Variants in EYS observed in about 807,000 individuals in gnomAD.
EYS encodes the protein EGF-like photoreceptor maintenance factor, also known as protein eyes shut homolog.
In EYS, 250 loss-of-function variants were observed where a neutral mutation model predicts 282.1. The observed-to-expected ratio is 0.89, with a 90% CI of 0.80 to 0.98. The LOEUF (loss-of-function observed/expected upper bound fraction) is 0.98, where lower values mean the gene tolerates loss of function less well. Ranked by LOEUF, EYS falls within the 50% of genes least tolerant of loss-of-function variation. The pLI, the probability that EYS is intolerant of heterozygous loss-of-function variation, is 0.00. For missense variants in EYS, 4,016 were observed against 3,709.0 expected, an observed-to-expected ratio of 1.08 and a Z score of -2.15; for synonymous variants, 1,355 against 1,282.9, an observed-to-expected ratio of 1.06 and a Z score of -1.20.
intron 35 of EYS, among the ~76,000 whole-genome samples, chr6:63,933,859 C>G (rs1274350852): frequency 2.0e-5 from 3 of 152,116 alleles, no homozygotes; most frequent in Admixed American, 6.5e-5. Context: ...ATAATATCAT[C>G]CAGGTAAAGG....
At chr6:64,945,124 T>TA (rs763133866) in intron 15 of EYS, among the ~76,000 whole-genome samples, 3,340 of 112,226 alleles carry the variant, frequency 0.03, 119 homozygotes, top group Admixed American at 0.11. Context: ...GTTTCTCTAT[T>TA]AAAAAAAAAA....
In EYS at chr6:64,199,284, T is replaced by C. The variant is rs1765392439; in HGVS notation, c.6424+31308A>G. On this transcript the variant is annotated intron_variant, in intron 31 of 42. Transcript: ENST00000503581. ...GTGGCCTCAGAAATAATGCCACACATCTACAACAATTTGATTTTGACAAAC... is the reference window on the plus strand; with the variant it reads ...GTGGCCTCAGAAATAATGCCACACACCTACAACAATTTGATTTTGACAAAC... Among the ~76,000 whole-genome samples, 4 of 152,060 alleles carry C rather than the reference T, an allele frequency of 2.6e-5. No homozygotes were observed. The South Asian group carries it at 8.3e-4, about 31-fold the overall frequency.
At chr6:64,866,583 T>C (rs1246053961) in intron 19 of EYS, among the ~76,000 whole-genome samples, 2 of 151,838 alleles carry the variant, frequency 1.3e-5, no homozygotes, top group Non-Finnish European at 3.0e-5. Context: ...TAGTTAGATA[T>C]AATTTTTATG....
intron 22 of EYS, among the ~76,000 whole-genome samples, chr6:64,775,951 T>C (rs1378231810): frequency 6.6e-6 from 1 of 152,066 alleles, no homozygotes; most frequent in South Asian, 2.1e-4. Flanking sequence ...AACACATCTA[T>C]ATCAGGTTCT....
chr6:65,283,489 A>AT (rs1768278727), intron 12 of EYS, among the ~76,000 whole-genome samples: 1 of 151,572 alleles, frequency 6.6e-6, no homozygotes, highest in South Asian at 2.1e-4. Context: ...AACATCTTTT[A>AT]TTTTTTCTAT....
intron 12 of EYS, among the ~76,000 whole-genome samples, chr6:65,150,486 G>T (rs988206581): frequency 6.6e-6 from 1 of 151,740 alleles, no homozygotes; most frequent in African/African-American, 2.4e-5. Context: ...AGGTTATGTG[G>T]TTTTGTTATA....
At position 64,663,252 on chromosome 6, in the gene EYS, T is replaced by A. The variant is rs1378370403; in HGVS notation, c.3444-37007A>T. Among the ~76,000 whole-genome samples the A allele has an allele frequency of 7.2e-5, 11 of 152,204 alleles. No homozygotes were observed. In the East Asian group the frequency reaches 1.9e-3, roughly 27 times the overall value. ...AAAAAAGCCATATTCTGACGAAATA[T>A]ACCATTGGTAATAAGGGAAAATTGC... On this transcript the variant is annotated intron_variant, in intron 22 of 42. Transcript: ENST00000503581.
chr6:64,383,261 A>G (rs1026557664), intron 29 of EYS, among the ~76,000 whole-genome samples: 3 of 152,224 alleles, frequency 2.0e-5, no homozygotes, highest in African/African-American at 4.8e-5. Context: ...AGATTGCACC[A>G]GTGCACTTCA....
chr6:64,535,555 T>C (rs1205624201), intron 26 of EYS, among the ~76,000 whole-genome samples: 2 of 139,954 alleles, frequency 1.4e-5, no homozygotes, highest in Non-Finnish European at 3.0e-5. Flanking sequence ...TTGGGCAACA[T>C]AGTGAGACTT....
chr6:64,556,484 G>A (rs1421368266), intron 26 of EYS, among the ~76,000 whole-genome samples: 1 of 151,738 alleles, frequency 6.6e-6, no homozygotes, highest in Non-Finnish European at 1.5e-5. Context: ...GTTTGAGTGG[G>A]GGTTATTGAC....
At chr6:64,606,579 A>G (rs971147167) in intron 24 of EYS, among the ~76,000 whole-genome samples, 2 of 152,106 alleles carry the variant, frequency 1.3e-5, no homozygotes, top group African/African-American at 4.8e-5. Context: ...TATCATTAGA[A>G]ACATTAAGTT....
chr6:64,319,725 G>GGATGGATA (rs1554143203), intron 29 of EYS, among the ~76,000 whole-genome samples: 1 of 151,198 alleles, frequency 6.6e-6, no homozygotes, highest in African/African-American at 2.4e-5. Flanking sequence ...ATGGATGGAT[G>GGATGGATA]GATAGACAGA....
At position 64,770,839 on chromosome 6, in the gene EYS, G is replaced by A. The variant is rs370522047; in HGVS notation, c.3443+42539C>T. Among the ~76,000 whole-genome samples the A allele has an allele frequency of 2.6e-4, 40 of 151,792 alleles. 1 individual carries two copies. The highest frequency in any genetic ancestry group is 1.4e-3 in the Admixed American group (21 of 15,190). ...ATTGAAGTCTGTGACATTAGAGCCC[G>A]TCTTTGTAGGTTACTTCCTTCTACA... On this transcript the variant is annotated intron_variant, in intron 22 of 42. Transcript: ENST00000503581.
chr6:65,255,502 T>G (rs1239192432), intron 12 of EYS, among the ~76,000 whole-genome samples: 1 of 151,782 alleles, frequency 6.6e-6, no homozygotes, highest in East Asian at 1.9e-4. Context: ...CAAAGCAAAA[T>G]GTAAAAGTGG....
rs190374897 is a variant in EYS at position 65,400,662 on chromosome 6, G to A, written c.1184+1816C>T. Reference sequence around the variant, plus strand: ...CCAAATAAAAATTTCCATAACCAATGTTTCACTGTCTTTCTCAGGGAGGTA... The same window carrying A: ...CCAAATAAAAATTTCCATAACCAATATTTCACTGTCTTTCTCAGGGAGGTA... On this transcript the variant is annotated intron_variant, in intron 7 of 42. Transcript: ENST00000503581. Among the ~76,000 whole-genome samples, 622 of 151,830 alleles carry A rather than the reference G, an allele frequency of 4.1e-3. 5 individuals carry two copies. Among genetic ancestry groups the A allele is most frequent in the African/African-American group, 0.014 (589 of 41,454 alleles).
At chr6:65,542,523 C>A (rs572753818) in intron 2 of EYS, among the ~76,000 whole-genome samples, 2 of 150,808 alleles carry the variant, frequency 1.3e-5, no homozygotes, top group South Asian at 4.2e-4. Context: ...TGTTTGGAAA[C>A]ACTAAGGATA....
chr6:65,581,578 C>T (rs894487093), intron 2 of EYS, among the ~76,000 whole-genome samples: 9 of 152,126 alleles, frequency 5.9e-5, no homozygotes, highest in African/African-American at 1.7e-4. Flanking sequence ...ACAATCCCTC[C>T]TAATGTTTAA....
intron 5 of EYS, among the ~76,000 whole-genome samples, chr6:65,471,267 G>T (rs1765205830): frequency 6.7e-6 from 1 of 150,106 alleles, no homozygotes; most frequent in Admixed American, 6.7e-5. Flanking sequence ...GATTTGTTAG[G>T]GTGCCTGTGG....
At chr6:64,020,124 T>G (rs1475904001) in intron 33 of EYS, among the ~76,000 whole-genome samples, 1 of 152,034 alleles carries the variant, frequency 6.6e-6, no homozygotes, top group African/African-American at 2.4e-5. Context: ...AACAGTTAGG[T>G]AGAAGGAATG....
Sources: gnomAD v4.1 joint callset for allele counts (sites outside exome capture counted in the v4.1 genomes callset) on GRCh38, gnomAD v4.1.1 for gene constraint, MANE v1.5 for transcripts, NCBI Gene and HGNC (gene_info 2026-07-23, HGNC 2026-07-21) for gene names.